Variants in TENM3 observed in about 807,000 individuals in gnomAD.
TENM3 encodes the protein teneurin-3.
Under a neutral mutation model 255.1 loss-of-function variants are expected in TENM3, and 63 were observed. The ratio of observed to expected loss-of-function variants is 0.25; its 90% CI spans 0.20 to 0.30. The LOEUF is 0.30. Ranked by LOEUF, TENM3 falls within the 10% of genes least tolerant of loss-of-function variation. TENM3 has a pLI of 1.00. For missense variants in TENM3, 2,929 were observed against 3,461.1 expected (o/e 0.85, Z 3.86); for synonymous variants, 1,306 against 1,322.3 (o/e 0.99, Z 0.27).
At chr4:181,665,100 C>T in the TENM3 span, among the ~76,000 whole-genome samples, 4 of 152,096 alleles carry the variant, frequency 2.6e-5, no homozygotes, top group Non-Finnish European at 2.9e-5. Flanking sequence ...CTCACAATGT[C>T]CCCAAGCTCG....
At chr4:182,703,851 C>T (rs1054949311) in intron 12 of TENM3, among the ~76,000 whole-genome samples, 1 of 152,174 alleles carries the variant, frequency 6.6e-6, no homozygotes, top group African/African-American at 2.4e-5. Context: ...GTGGCAATTA[C>T]AGACAAAAAA....
intron 6 of TENM3, among the ~76,000 whole-genome samples, chr4:182,662,684 C>G (rs1002870583): frequency 2.6e-5 from 4 of 152,214 alleles, no homozygotes; most frequent in African/African-American, 9.6e-5. Context: ...CCAAAGTTTT[C>G]TGGAATTCGG....
the TENM3 span, among the ~76,000 whole-genome samples, chr4:181,879,526 TG>T: frequency 2.6e-5 from 4 of 152,164 alleles, no homozygotes; most frequent in Non-Finnish European, 5.9e-5. Context: ...GAGAACAAGG[TG>T]CCCGGCTACT....
At position 182,701,210 on chromosome 4, in the gene TENM3, C is replaced by CTTTTTTTTTTTTG. The variant is rs1757835378; in HGVS notation, c.2222-12865_2222-12864insGTTTTTTTTTTTT. On this transcript the variant is annotated intron_variant, in intron 12 of 27. Coordinates refer to ENST00000511685, the MANE Select transcript of TENM3 (RefSeq NM_001080477.4). ...TTTTCACATACAGTCCAACTCTTGACTTTTTTTTTTTTTTTTTTTTTTTTT... is the reference window on the plus strand; with the variant it reads ...TTTTCACATACAGTCCAACTCTTGACTTTTTTTTTTTTGTTTTTTTTTTTTTTTTTTTTTTTTT... 4.1e-4 allele frequency among the ~76,000 whole-genome samples: 16 copies of CTTTTTTTTTTTTG among 38,668 alleles called. 1 individual carries two copies. Among genetic ancestry groups the CTTTTTTTTTTTTG allele is most frequent in the South Asian group, 1.6e-3 (1 of 624 alleles). 25.4% of individuals were successfully genotyped at this position (38,668 alleles called of 152,430 possible). A position where few individuals can be genotyped will look rare whatever the true frequency, so the allele number is the denominator to read the frequency against.
the TENM3 span, among the ~76,000 whole-genome samples, chr4:181,925,330 C>T: frequency 6.6e-6 from 1 of 152,152 alleles, no homozygotes. Flanking sequence ...AAATGCAAAG[C>T]ACAAATTCTC....
chr4:181,961,256 C>T, the TENM3 span, among the ~76,000 whole-genome samples: 4 of 152,312 alleles, frequency 2.6e-5, no homozygotes, highest in South Asian at 2.1e-4. Flanking sequence ...CTAAGCCAAA[C>T]TTCAATGATA....
Position 182,158,142 on chromosome 4 carries a change from G to A in TENM3, c.-76+13388G>A, listed in dbSNP as rs570177493. On this transcript the variant is annotated intron_variant, in intron 1 of 2. Coordinates refer to the TENM3 transcript ENST00000512480. ...AGGGCACACGCTTTCTCCAAAAGGAGGTGCCACGTCGCGCCTCTAGACTAG... is the reference window on the plus strand; with the variant it reads ...AGGGCACACGCTTTCTCCAAAAGGAAGTGCCACGTCGCGCCTCTAGACTAG... 2.2e-3 allele frequency among the ~76,000 whole-genome samples: 328 copies of A among 152,330 alleles called. 2 individuals carry two copies. The highest frequency in any genetic ancestry group is 3.5e-3 in the Non-Finnish European group (235 of 68,028).
chr4:182,045,655 G>C, the TENM3 span, among the ~76,000 whole-genome samples: 93 of 152,234 alleles, frequency 6.1e-4, 1 homozygote, highest in East Asian at 0.017. Context: ...AGGCAGAGAG[G>C]TTGTTGGCAA....
chr4:181,816,157 G>A, the TENM3 span, among the ~76,000 whole-genome samples: 1 of 152,204 alleles, frequency 6.6e-6, no homozygotes, highest in Non-Finnish European at 1.5e-5. Flanking sequence ...AGTGGCCTCA[G>A]CAACCTGTGT....
chr4:181,454,668 A>ATCCCATTTTTATACTTTTTTTTTTTTTTT, the TENM3 span, among the ~76,000 whole-genome samples: 1 of 88,174 alleles, frequency 1.1e-5, no homozygotes, highest in African/African-American at 5.0e-5. Context: ...TATGTTTTTT[A>ATCCCATTTTTATACTTTTTTTTTTTTTTT]TACCATTTTT....
At chr4:182,197,301 C>T (rs545116344) in intron 1 of TENM3, among the ~76,000 whole-genome samples, 7 of 152,256 alleles carry the variant, frequency 4.6e-5, no homozygotes, top group South Asian at 4.1e-4. Context: ...TTAGTATCTT[C>T]TATAGCAGTA....
the TENM3 span, among the ~76,000 whole-genome samples, chr4:182,017,331 T>C: frequency 6.6e-6 from 1 of 152,212 alleles, no homozygotes; most frequent in African/African-American, 2.4e-5. Context: ...AGAGGCTTGT[T>C]TTTTTTCATC....
intron 1 of TENM3, among the ~76,000 whole-genome samples, chr4:182,221,561 G>A (rs1395137900): frequency 6.6e-6 from 1 of 152,150 alleles, no homozygotes; most frequent in African/African-American, 2.4e-5. Flanking sequence ...TCCTTTAAAT[G>A]TAGTCTTGTA....
the TENM3 span, among the ~76,000 whole-genome samples, chr4:181,713,278 G>T: frequency 6.6e-6 from 1 of 152,218 alleles, no homozygotes; most frequent in African/African-American, 2.4e-5. Flanking sequence ...GTCTGCATCT[G>T]CAGAGAAGAA....
chr4:182,543,489 A>G (rs189010150), intron 3 of TENM3, among the ~76,000 whole-genome samples: 1 of 152,310 alleles, frequency 6.6e-6, no homozygotes, highest in Admixed American at 6.5e-5. Context: ...AAGTAATATA[A>G]TAAGAATGGG....
chr4:181,654,772 A>AG, the TENM3 span, among the ~76,000 whole-genome samples: 4 of 151,574 alleles, frequency 2.6e-5, no homozygotes, highest in South Asian at 4.2e-4. Context: ...AAAAAAAAAA[A>AG]AAGAAGTGGT....
the TENM3 span, among the ~76,000 whole-genome samples, chr4:181,625,427 A>G: frequency 6.6e-6 from 1 of 152,170 alleles, no homozygotes; most frequent in Non-Finnish European, 1.5e-5. Context: ...GCCCATCAGC[A>G]GAGGACTCCA....
chr4:182,124,576 A>G, the TENM3 span, among the ~76,000 whole-genome samples: 1 of 152,182 alleles, frequency 6.6e-6, no homozygotes, highest in Non-Finnish European at 1.5e-5. Context: ...CAACATTAAA[A>G]CTGTGGGAAT....
the TENM3 span, among the ~76,000 whole-genome samples, chr4:182,095,939 G>A: frequency 6.6e-6 from 1 of 151,888 alleles, no homozygotes; most frequent in Non-Finnish European, 1.5e-5. Flanking sequence ...TGGCTAATAT[G>A]AGTTTCTGAA....
Sources: gnomAD v4.1 joint callset for allele counts (sites outside exome capture counted in the v4.1 genomes callset) on GRCh38, gnomAD v4.1.1 for gene constraint, MANE v1.5 for transcripts, NCBI Gene and HGNC (gene_info 2026-07-23, HGNC 2026-07-21) for gene names.